Variants in BRD10 observed in about 807,000 individuals in gnomAD.
The protein encoded by BRD10 is bromodomain containing 10.
At chr9:5,999,787 G>C in the BRD10 span, among the ~76,000 whole-genome samples, 145 of 152,204 alleles carry the variant, frequency 9.5e-4, no homozygotes, top group African/African-American at 3.3e-3. Flanking sequence ...TTATCCACTT[G>C]TGTCTTTCTA....
At chr9:5,990,274 T>C in the BRD10 span, among the ~76,000 whole-genome samples, 9 of 152,358 alleles carry the variant, frequency 5.9e-5, no homozygotes, top group East Asian at 1.5e-3. Context: ...ATAATATTTT[T>C]AGTAGGTTAA....
chr9:5,957,994 A>G, the BRD10 span, among the ~76,000 whole-genome samples: 1 of 152,198 alleles, frequency 6.6e-6, no homozygotes, highest in African/African-American at 2.4e-5. Flanking sequence ...TATAAAATAG[A>G]ATAAAATTCT....
chr9:5,998,522 G>C, the BRD10 span, among the ~76,000 whole-genome samples: 1 of 152,014 alleles, frequency 6.6e-6, no homozygotes, highest in African/African-American at 2.4e-5. Context: ...TCTCTCAGGA[G>C]AAAAGACTCC....
chr9:5,888,810 A>G, the BRD10 span, among the ~76,000 whole-genome samples: 11 of 152,260 alleles, frequency 7.2e-5, no homozygotes, highest in Admixed American at 2.0e-4. Context: ...AAGCTCATTT[A>G]GTGGTTGCTT....
chr9:5,941,942 T>C, the BRD10 span, among the ~76,000 whole-genome samples: 1 of 152,140 alleles, frequency 6.6e-6, no homozygotes, highest in East Asian at 1.9e-4. Flanking sequence ...TATGAATCCA[T>C]GTTAAATCCT....
At chr9:5,892,353 T>C in the BRD10 span, 3 of 737,612 alleles carry the variant, frequency 4.1e-6, no homozygotes, top group East Asian at 5.8e-5. Flanking sequence ...GCTATGGATA[T>C]TGGTCACCTA....
the BRD10 span, among the ~76,000 whole-genome samples, chr9:5,995,450 G>A: frequency 3.3e-5 from 5 of 152,250 alleles, no homozygotes; most frequent in South Asian, 6.2e-4. Flanking sequence ...ATTATCTTCT[G>A]AGCCTTCAAA....
chr9:5,887,925 G>C, the BRD10 span, among the ~76,000 whole-genome samples: 8 of 152,244 alleles, frequency 5.3e-5, no homozygotes, highest in East Asian at 1.4e-3. Context: ...GCCTAATAAA[G>C]ATCAACCCTT....
At chr9:5,897,429 A>G in the BRD10 span, 1 of 812,424 alleles carries the variant, frequency 1.2e-6, no homozygotes, top group Non-Finnish European at 2.1e-6. Flanking sequence ...GTGGGAAACT[A>G]CTTGGACACT....
chr9:5,895,488 A>G, the BRD10 span, among the ~76,000 whole-genome samples: 2 of 152,078 alleles, frequency 1.3e-5, no homozygotes, highest in Non-Finnish European at 2.9e-5. Flanking sequence ...TATCCTTCTC[A>G]CAATTGTGCC....
chr9:6,007,075 A>C, the BRD10 span: 3 of 1,001,104 alleles, frequency 3.0e-6, no homozygotes, highest in Admixed American at 2.6e-5. Context: ...GGGCTTCTCC[A>C]GCACCGACTC....
the BRD10 span, chr9:5,929,067 T>G: frequency 6.3e-7 from 1 of 1,588,500 alleles, no homozygotes; most frequent in Middle Eastern, 1.7e-4. Context: ...AAGCCTTCAT[T>G]AACTTTGGTT....
At chr9:5,928,337 C>T in the BRD10 span, among the ~76,000 whole-genome samples, 2 of 152,164 alleles carry the variant, frequency 1.3e-5, no homozygotes, top group African/African-American at 4.8e-5. Context: ...CATCTTTGTC[C>T]TATTACATTT....
At chr9:5,921,204 T>A in the BRD10 span, 1 of 1,613,950 alleles carries the variant, frequency 6.2e-7, no homozygotes, top group Non-Finnish European at 8.5e-7. Context: ...TTTTGTAATA[T>A]GTTAATTGAT....
At chr9:5,921,901 C>G in the BRD10 span, 1 of 1,613,924 alleles carries the variant, frequency 6.2e-7, no homozygotes, top group Non-Finnish European at 8.5e-7. Context: ...GATTTTTCCC[C>G]ATGGATGGGG....
At chr9:5,920,362 G>C in the BRD10 span, 23 of 1,613,636 alleles carry the variant, frequency 1.4e-5, no homozygotes, top group Non-Finnish European at 1.9e-5. Context: ...TACTGGTATT[G>C]ATGACTATTT....
chr9:5,967,956 A>G, the BRD10 span: 1 of 1,036,466 alleles, frequency 9.6e-7, no homozygotes, highest in African/African-American at 1.6e-5. Flanking sequence ...TCCATGATGC[A>G]TAATGGAAAA....
chr9:5,994,901 C>CTTTTTTTTTTCTT, the BRD10 span, among the ~76,000 whole-genome samples: 2 of 141,692 alleles, frequency 1.4e-5, no homozygotes, highest in South Asian at 2.2e-4. Context: ...TATCATTTTT[C>CTTTTTTTTTTCTT]TTTTTTTTTT....
the BRD10 span, among the ~76,000 whole-genome samples, chr9:5,947,521 G>T: frequency 6.6e-6 from 1 of 151,738 alleles, no homozygotes; most frequent in African/African-American, 2.4e-5. Context: ...TTATTCTGAG[G>T]TTATATTAAA....
Sources: allele counts gnomAD v4.1 joint callset (sites outside exome capture counted in the v4.1 genomes callset), GRCh38; gene constraint gnomAD v4.1.1; transcripts MANE v1.5; gene names NCBI Gene and HGNC (gene_info 2026-07-23, HGNC 2026-07-21).